OR2C1: variants seen among roughly 807,000 people sequenced by gnomAD.
OR2C1 encodes olfactory receptor family 2 subfamily C member 1.
For synonymous variants in OR2C1, 209 were observed against 167.3 expected (o/e 1.25, Z -1.92); for missense variants, 468 against 388.3 (o/e 1.21, Z -1.73).
At position 3,356,138 on chromosome 16, in the gene OR2C1, C is replaced by G; in HGVS notation, c.198C>G (p.Leu66=). 6 of 1,614,236 alleles carry G rather than the reference C, an allele frequency of 3.7e-6. No individual in the cohort carries two copies. Among genetic ancestry groups the G allele is most frequent in the South Asian group, 1.1e-5 (1 of 91,084 alleles). Reference sequence around the variant, plus strand: ...CCATGTACTTCTTCCTCAGCAACCTCTCCTCCTTGGACCTTGCTTTCGCTA... The same window carrying G: ...CCATGTACTTCTTCCTCAGCAACCTGTCCTCCTTGGACCTTGCTTTCGCTA... ...HTPMYFFLSN[L]SSLDLAFATS... is the part of the protein sequence containing the mutation. Residue 66 remains leucine (L), a synonymous_variant, in exon 1 of 1, where the codon CTC becomes CTG. Coordinates refer to ENST00000304936, the MANE Select transcript of OR2C1 (RefSeq NM_012368.3).
the OR2C1 span, among the ~76,000 whole-genome samples, chr16:3,325,990 G>C: frequency 6.7e-6 from 1 of 149,988 alleles, no homozygotes; most frequent in East Asian, 2.0e-4. Flanking sequence ...GAGTGCAGTG[G>C]TGCGATCTCG....
chr16:3,330,270 C>G, the OR2C1 span, among the ~76,000 whole-genome samples: 1 of 151,762 alleles, frequency 6.6e-6, no homozygotes, highest in African/African-American at 2.4e-5. Context: ...CCACACCCAG[C>G]TAATTTTTTG....
chr16:3,333,210 C>CTT, the OR2C1 span, among the ~76,000 whole-genome samples: 18 of 33,030 alleles, frequency 5.4e-4, 3 homozygotes, highest in African/African-American at 1.1e-3. Context: ...ATCTTTTGCC[C>CTT]ATTTTTTTTT....
the OR2C1 span, among the ~76,000 whole-genome samples, chr16:3,341,453 C>A: frequency 2.6e-5 from 4 of 152,060 alleles, no homozygotes; most frequent in Non-Finnish European, 4.4e-5. Flanking sequence ...TGCCTAATTA[C>A]CCTACATAAA....
rs192453175 is a variant in OR2C1, at chr16:3,357,192, A to G, written c.*313A>G. On this transcript the variant is annotated 3_prime_UTR_variant, in exon 1 of 1. Transcript: ENST00000304936. ...CTCTGTTGCCCACATGTTATTTAAT[A>G]TGCCTTATATTTCTGCAGAATTCTG... 312 of 277,262 alleles carry G rather than the reference A, an allele frequency of 1.1e-3. 1 individual carries two copies. Among genetic ancestry groups the G allele is most frequent in the Non-Finnish European group, 1.5e-3 (212 of 137,650 alleles). 17.2% of individuals were successfully genotyped at this position (277,262 alleles called of 1,614,324 possible). A position where few individuals can be genotyped will look rare whatever the true frequency, so the allele number is the denominator to read the frequency against.
the OR2C1 span, among the ~76,000 whole-genome samples, chr16:3,349,267 GT>G: frequency 6.6e-6 from 1 of 152,202 alleles, no homozygotes; most frequent in African/African-American, 2.4e-5. Flanking sequence ...TGGGGAGGGA[GT>G]TCAGGTGACA....
the OR2C1 span, among the ~76,000 whole-genome samples, chr16:3,350,055 C>CTTTTTTTTT: frequency 9.7e-6 from 1 of 102,734 alleles, no homozygotes; most frequent in Non-Finnish European, 1.8e-5. Flanking sequence ...AAAAGGGAAT[C>CTTTTTTTTT]TTTTTTTTTT....
At chr16:3,335,088 G>T in the OR2C1 span, among the ~76,000 whole-genome samples, 3 of 152,144 alleles carry the variant, frequency 2.0e-5, no homozygotes, top group Non-Finnish European at 4.4e-5. Context: ...CAAAGTGCTG[G>T]GATTACAGGC....
At chr16:3,348,358 C>T in the OR2C1 span, among the ~76,000 whole-genome samples, 1 of 152,168 alleles carries the variant, frequency 6.6e-6, no homozygotes, top group Admixed American at 6.5e-5. Context: ...ATGAGATTAT[C>T]CAGTTCCTCG....
chr16:3,336,408 C>G, the OR2C1 span, among the ~76,000 whole-genome samples: 1 of 152,064 alleles, frequency 6.6e-6, no homozygotes, highest in East Asian at 1.9e-4. Context: ...GTTGCTCAGG[C>G]TGCAGTGCAG....
chr16:3,326,550 C>T, the OR2C1 span, among the ~76,000 whole-genome samples: 1 of 152,192 alleles, frequency 6.6e-6, no homozygotes, highest in East Asian at 1.9e-4. Flanking sequence ...TGACTGCCTC[C>T]TAACATCCGT....
At chr16:3,340,050 G>A in the OR2C1 span, among the ~76,000 whole-genome samples, 2 of 152,042 alleles carry the variant, frequency 1.3e-5, no homozygotes, top group Non-Finnish European at 2.9e-5. Context: ...AGGCCAAAGC[G>A]GGCAGATCAC....
upstream of OR2C1, among the ~76,000 whole-genome samples, chr16:3,355,065 TG>T (rs1229410569): frequency 1.3e-5 from 2 of 152,170 alleles, no homozygotes; most frequent in African/African-American, 4.8e-5. Context: ...TTTGTCATCA[TG>T]AGGCACTTCC....
chr16:3,326,154 C>T, the OR2C1 span, among the ~76,000 whole-genome samples: 650 of 152,074 alleles, frequency 4.3e-3, 11 homozygotes, highest in East Asian at 0.035. Flanking sequence ...TGGTCTTAAA[C>T]TCCAGACCTC....
chr16:3,335,190 ATTTTC>A, the OR2C1 span, among the ~76,000 whole-genome samples: 2 of 151,888 alleles, frequency 1.3e-5, no homozygotes, highest in African/African-American at 2.4e-5. Flanking sequence ...AACTTTTAGG[ATTTTC>A]TTTTCTTATT....
chr16:3,339,052 C>G, the OR2C1 span, among the ~76,000 whole-genome samples: 42 of 152,084 alleles, frequency 2.8e-4, no homozygotes, highest in African/African-American at 8.2e-4. Context: ...ACAAATCGGC[C>G]TTTTGGTCCT....
the OR2C1 span, among the ~76,000 whole-genome samples, chr16:3,347,466 C>CT: frequency 4.7e-4 from 68 of 144,318 alleles, no homozygotes; most frequent in South Asian, 8.8e-4. Flanking sequence ...AACACACATA[C>CT]TTTTTTTTTT....
the OR2C1 span, among the ~76,000 whole-genome samples, chr16:3,327,009 T>A: frequency 1.1e-4 from 17 of 152,318 alleles, no homozygotes; most frequent in East Asian, 1.4e-3. Context: ...GAATTGGGGT[T>A]TCTGTTCATT....
chr16:3,323,731 G>C, the OR2C1 span: 2 of 685,206 alleles, frequency 2.9e-6, no homozygotes, highest in Non-Finnish European at 2.6e-6. Flanking sequence ...GACACACCTT[G>C]TCACATTTCT....
Sources: gnomAD v4.1 joint callset for allele counts (sites outside exome capture counted in the v4.1 genomes callset) on GRCh38, gnomAD v4.1.1 for gene constraint, MANE v1.5 for transcripts, NCBI Gene and HGNC (gene_info 2026-07-23, HGNC 2026-07-21) for gene names.